LEKR1: variants seen among roughly 807,000 people sequenced by gnomAD.
LEKR1 encodes leucine, glutamate and lysine rich 1.
LEKR1 carries 59 observed loss-of-function variants against 72.4 expected under a neutral mutation model. The ratio of observed to expected loss-of-function variants is 0.82; its 90% CI spans 0.66 to 1.01. LEKR1 has a LOEUF of 1.01. Among genes scored for constraint, LEKR1 ranks in the 50% least tolerant of loss-of-function variants. LEKR1 has a pLI of 0.00. For synonymous variants in LEKR1, 257 were observed against 263.2 expected, an observed-to-expected ratio of 0.98 and a Z score of 0.23; for missense variants, 728 against 759.2, an observed-to-expected ratio of 0.96 and a Z score of 0.48.
At chr3:156,862,893 T>A (rs1281657934) in intron 3 of LEKR1, among the ~76,000 whole-genome samples, 4 of 152,076 alleles carry the variant, frequency 2.6e-5, no homozygotes, top group Non-Finnish European at 5.9e-5. Context: ...ATTTATTATA[T>A]CCCCTTTCTT....
At chr3:156,985,960 A>G (rs1479582531) in intron 7 of LEKR1, among the ~76,000 whole-genome samples, 2 of 152,182 alleles carry the variant, frequency 1.3e-5, no homozygotes, top group Non-Finnish European at 2.9e-5. Flanking sequence ...AAGTCACAAA[A>G]GCAGATGTGA....
At chr3:156,923,995 G>T (rs1724466493) in intron 4 of LEKR1, among the ~76,000 whole-genome samples, 1 of 152,112 alleles carries the variant, frequency 6.6e-6, no homozygotes, top group Non-Finnish European at 1.5e-5. Flanking sequence ...CCAAAGTGCT[G>T]GGATTATAGG....
rs968382663 is a variant in LEKR1 at position 156,897,008 on chromosome 3, G to A, written c.264-23567G>A. The stretch of plus-strand genomic sequence containing the variant: ...TGGGAGCTAAACATTGAGTACACAT[G>A]GACACAAAGAAGGGAACAATAGACA... On this transcript the variant is annotated intron_variant, in intron 3 of 12. Transcript: ENST00000356539. 2.0e-5 allele frequency among the ~76,000 whole-genome samples: 3 copies of A among 152,200 alleles called. No individual in the cohort carries two copies. In the South Asian group the frequency reaches 6.2e-4, roughly 32 times the overall value.
At chr3:156,858,498 C>G (rs559934445) in intron 3 of LEKR1, among the ~76,000 whole-genome samples, 129 of 151,982 alleles carry the variant, frequency 8.5e-4, no homozygotes, top group Non-Finnish European at 1.5e-3. Context: ...CATGGTGAAA[C>G]CCCGTTCTCT....
intron 9 of LEKR1, among the ~76,000 whole-genome samples, chr3:156,995,497 T>C (rs897341494): frequency 6.0e-4 from 91 of 152,170 alleles, no homozygotes; most frequent in African/African-American, 1.9e-3. Context: ...TACTTAGTAA[T>C]TGGTGACACT....
chr3:157,000,117 C>G (rs1289038331), intron 9 of LEKR1, among the ~76,000 whole-genome samples: 1 of 152,174 alleles, frequency 6.6e-6, no homozygotes, highest in African/African-American at 2.4e-5. Flanking sequence ...CTTCTCCTCT[C>G]CTCTCAATTT....
At chr3:156,846,001 G>A (rs1020704524) in intron 2 of LEKR1, among the ~76,000 whole-genome samples, 43 of 151,968 alleles carry the variant, frequency 2.8e-4, no homozygotes, top group Non-Finnish European at 2.9e-5. Flanking sequence ...TCAGCATTTT[G>A]TAGTTTTCAG....
At chr3:156,898,232 A>AT (rs1242628102) in intron 3 of LEKR1, among the ~76,000 whole-genome samples, 1 of 152,110 alleles carries the variant, frequency 6.6e-6, no homozygotes, top group African/African-American at 2.4e-5. Flanking sequence ...AAATATTTTG[A>AT]TTTTTTCCTT....
Position 157,028,382 on chromosome 3 carries a change from T to C in LEKR1, c.1648T>C (p.Phe550Leu). 1.9e-6 allele frequency: 3 copies of C among 1,604,978 alleles called. No homozygotes were observed. The highest frequency in any genetic ancestry group is 2.6e-6 in the Non-Finnish European group (3 of 1,175,246). ...MLAQTQLIEQ[F>L]NQSQEENTFL... ...GGCTCAAACACAACTGATAGAGCAA[T>C]TTAACCAGTCCCAGGAAGAGGTAGG... The change falls in exon 12 of 13, where the codon TTT becomes CTT. Residue 550 changes from phenylalanine to leucine, a missense_variant. Coordinates refer to ENST00000356539, the MANE Select transcript of LEKR1 (RefSeq NM_001004316.3).
chr3:156,902,069 G>A (rs1023891909), intron 3 of LEKR1, among the ~76,000 whole-genome samples: 1 of 152,056 alleles, frequency 6.6e-6, no homozygotes, highest in African/African-American at 2.4e-5. Flanking sequence ...AAACAGACCA[G>A]GGTTTAAAAC....
At chr3:157,017,621 T>C (rs1245625540) in intron 10 of LEKR1, 1 of 151,864 alleles carries the variant, frequency 6.6e-6, no homozygotes, top group African/African-American at 2.4e-5. Context: ...CACAATAGAT[T>C]AAAAGTAAAG....
At chr3:156,980,480 G>C (rs193044390) in intron 7 of LEKR1, among the ~76,000 whole-genome samples, 1 of 152,076 alleles carries the variant, frequency 6.6e-6, no homozygotes, top group African/African-American at 2.4e-5. Context: ...TTGGTGGACG[G>C]GGGTCCTTAG....
chr3:156,852,705 C>A, intron 2 of LEKR1, 63 bp from the exon 3 acceptor site: 1 of 770,744 alleles, frequency 1.3e-6, no homozygotes, highest in Non-Finnish European at 2.0e-6. Context: ...GCTACAATAT[C>A]TTCAGTTGAA....
chr3:156,896,332 C>A (rs1481054126), intron 3 of LEKR1, among the ~76,000 whole-genome samples: 1 of 151,938 alleles, frequency 6.6e-6, no homozygotes, highest in Non-Finnish European at 1.5e-5. Flanking sequence ...GCACATCCTG[C>A]ACATGTACCA....
intron 12 of LEKR1, among the ~76,000 whole-genome samples, chr3:157,031,428 G>C (rs1734600354): frequency 6.6e-6 from 1 of 152,080 alleles, no homozygotes; most frequent in African/African-American, 2.4e-5. Context: ...GGGTAGACTA[G>C]AGTTTCCTTT....
chr3:157,011,959 T>G (rs1449385478), intron 10 of LEKR1, among the ~76,000 whole-genome samples: 1 of 152,094 alleles, frequency 6.6e-6, no homozygotes, highest in Non-Finnish European at 1.5e-5. Flanking sequence ...GAATAAGCAT[T>G]CAGCTTGCTA....
chr3:156,946,341 T>C (rs1726674647), intron 6 of LEKR1, among the ~76,000 whole-genome samples: 1 of 151,472 alleles, frequency 6.6e-6, no homozygotes, highest in Non-Finnish European at 1.5e-5. Flanking sequence ...ATAGTTTTTA[T>C]GGAGTCTTTA....
intron 3 of LEKR1, among the ~76,000 whole-genome samples, chr3:156,883,065 G>T (rs1488685973): frequency 6.6e-6 from 1 of 152,030 alleles, no homozygotes; most frequent in East Asian, 1.9e-4. Context: ...TGACGTGTTA[G>T]TGGGTGCAGC....
intron 10 of LEKR1, among the ~76,000 whole-genome samples, chr3:157,020,649 G>A (rs1236588954): frequency 1.3e-5 from 2 of 151,470 alleles, no homozygotes; most frequent in South Asian, 2.1e-4. Context: ...TGGTGTATAT[G>A]TGCCACATTT....
Sources: allele counts gnomAD v4.1 joint callset (sites outside exome capture counted in the v4.1 genomes callset), GRCh38; gene constraint gnomAD v4.1.1; transcripts MANE v1.5; gene names NCBI Gene and HGNC (gene_info 2026-07-23, HGNC 2026-07-21).